The following HAS3 variants were observed in gnomAD, a reference collection of about 807,000 sequenced individuals.
The protein encoded by HAS3 is HA synthase 3.
Under a neutral mutation model 50.3 loss-of-function variants are expected in HAS3, and 27 were observed. The observed-to-expected ratio is 0.54, with a 90% CI of 0.40 to 0.74. The LOEUF (loss-of-function observed/expected upper bound fraction) is 0.74, where lower values mean the gene tolerates loss of function less well. HAS3 is among the 30% of genes least tolerant of loss of function. The probability of loss-of-function intolerance (pLI) is 0.00; values close to 1 mark genes in which losing one functional copy is unlikely to be tolerated. For synonymous variants in HAS3, 339 were observed against 310.9 expected (o/e 1.09, Z -0.95); for missense variants, 517 against 742.8 (o/e 0.70, Z 3.53).
the HAS3 span, chr16:69,083,623 C>T: frequency 6.3e-7 from 1 of 1,575,404 alleles, no homozygotes; most frequent in Non-Finnish European, 8.6e-7. Flanking sequence ...CCTGTTCCCT[C>T]CACAGAAGCT....
chr16:69,115,144 G>T lies in HAS3; in HGVS notation c.1540G>T (p.Val514Phe), dbSNP rs1009011245. The T allele has an allele frequency of 7.5e-6, 12 of 1,609,784 alleles. No homozygotes were observed. The highest frequency in any genetic ancestry group is 1.0e-5 in the Non-Finnish European group (12 of 1,177,624). ...LFSETELAFL[V>F]SGAILYGCYW... ...CAGTGAGACAGAGCTAGCCTTCCTTGTCTCTGGGGCTATACTGTATGGCTG... is the reference window on the plus strand; with the variant it reads ...CAGTGAGACAGAGCTAGCCTTCCTTTTCTCTGGGGCTATACTGTATGGCTG... The change falls in exon 4 of 4, where the codon GTC becomes TTC. Residue 514 changes from valine (V) to phenylalanine (F), a missense_variant. Val to Phe is a conservative substitution (Grantham distance 50). Transcript: ENST00000569188.
At chr16:69,108,027 C>T (rs1327401844) in intron 1 of HAS3, among the ~76,000 whole-genome samples, 1 of 152,202 alleles carries the variant, frequency 6.6e-6, no homozygotes, top group African/African-American at 2.4e-5. Flanking sequence ...TTGGGGGCTC[C>T]GTTTCCTGAG....
the HAS3 span, among the ~76,000 whole-genome samples, chr16:69,098,648 T>G: frequency 6.6e-6 from 1 of 151,092 alleles, no homozygotes; most frequent in Non-Finnish European, 1.5e-5. Flanking sequence ...CCTATTAATA[T>G]ATTATCAAAC....
rs1411285674 is a variant in HAS3 at position 69,106,762 on chromosome 16, C to T, written c.-1+975C>T. ...GCGGGTTAGCCGGGCCGCGGCAGCA[C>T]GTGTCCGGGGGAGTGGGCTCCCCTC... is the stretch of plus-strand genomic sequence containing the variant. On this transcript the variant is annotated intron_variant, in intron 1 of 3. Coordinates refer to ENST00000569188, the MANE Select transcript of HAS3 (RefSeq NM_001199280.2). This position sits in a 1 kb window ranked among gnomAD's most constrained non-coding sequence, Gnocchi z 5.5. 6.6e-6 allele frequency: 1 copy of T among 152,210 alleles called. No individual in the cohort carries two copies. Among genetic ancestry groups the T allele is most frequent in the Non-Finnish European group, 1.5e-5 (1 of 68,070 alleles). The allele number at this position is 152,210 out of a possible 1,614,324, so 9.4% of individuals were successfully genotyped here. A position where few individuals can be genotyped will look rare whatever the true frequency, so the allele number is the denominator to read the frequency against.
At chr16:69,103,968 A>G (rs1353139357), upstream of HAS3, among the ~76,000 whole-genome samples, 6 of 152,344 alleles carry the variant, frequency 3.9e-5, no homozygotes, top group African/African-American at 1.2e-4. Flanking sequence ...TCTTTGTGTA[A>G]GTAGGAATGG....
At chr16:69,085,728 C>A in the HAS3 span, among the ~76,000 whole-genome samples, 1 of 151,990 alleles carries the variant, frequency 6.6e-6, no homozygotes, top group Admixed American at 6.6e-5. Flanking sequence ...CAGGTGCGCA[C>A]CACCATGCCT....
the HAS3 span, among the ~76,000 whole-genome samples, chr16:69,088,791 G>C: frequency 6.6e-6 from 1 of 151,870 alleles, no homozygotes; most frequent in Middle Eastern, 3.4e-3. Context: ...AAGGCCCAGA[G>C]GTAAGAGCAG....
the HAS3 span, among the ~76,000 whole-genome samples, chr16:69,097,854 A>C: frequency 9.2e-5 from 14 of 152,008 alleles, no homozygotes; most frequent in Non-Finnish European, 1.8e-4. Context: ...TAATTCCCTC[A>C]AAGGTGCCCA....
In HAS3 at chr16:69,114,901, A is replaced by G; in HGVS notation, c.1297A>G (p.Asn433Asp). Reference protein sequence around the residue: ...KATYACFLRGNAEMIFMSLYS... With the variant: ...KATYACFLRGDAEMIFMSLYS... The stretch of plus-strand genomic sequence containing the variant: ...CACCTACGCCTGCTTCCTTCGGGGC[A>G]ATGCAGAGATGATCTTCATGTCCCT... Residue 433 changes from asparagine (N) to aspartate (D), a missense_variant, in exon 4 of 4, where the codon AAT becomes GAT. Coordinates refer to ENST00000569188, the MANE Select transcript of HAS3 (RefSeq NM_001199280.2). The surrounding 1 kb of genome is among the most constrained non-coding windows in gnomAD (Gnocchi z 6.4). 2 of 1,614,062 alleles carry G rather than the reference A, an allele frequency of 1.2e-6. No homozygotes were observed. The highest frequency in any genetic ancestry group is 1.7e-6 in the Non-Finnish European group (2 of 1,180,032).
the HAS3 span, among the ~76,000 whole-genome samples, chr16:69,090,843 G>C: frequency 2.0e-5 from 3 of 152,168 alleles, no homozygotes; most frequent in Admixed American, 2.0e-4. Flanking sequence ...AAAGTGCTGG[G>C]ATTACAGGTG....
the HAS3 span, among the ~76,000 whole-genome samples, chr16:69,087,109 C>G: frequency 6.6e-6 from 1 of 152,110 alleles, no homozygotes; most frequent in Non-Finnish European, 1.5e-5. Context: ...TCACCTTCGG[C>G]GTCCTCCACC....
In HAS3 at chr16:69,113,426, G is replaced by T. The variant is rs939254707; in HGVS notation, c.637-15G>T. Reference sequence around the variant, plus strand: ...TCTGAGGTCAGAATGGGCTGACGACGCACTCCCTCTGCAGGTGTGCGACTC... The same window carrying T: ...TCTGAGGTCAGAATGGGCTGACGACTCACTCCCTCTGCAGGTGTGCGACTC... On this transcript the variant is annotated splice_polypyrimidine_tract_variant and intron_variant, in intron 2 of 3. Transcript: ENST00000569188. 2 of 1,584,784 alleles carry T rather than the reference G, an allele frequency of 1.3e-6. No homozygotes were observed. Among genetic ancestry groups the T allele is most frequent in the African/African-American group, 2.7e-5 (2 of 74,516 alleles).
chr16:69,083,513 AC>A, the HAS3 span: 1 of 1,612,314 alleles, frequency 6.2e-7, no homozygotes, highest in Non-Finnish European at 8.5e-7. Flanking sequence ...AAGGATCTCT[AC>A]CACCTGCTGA....
the HAS3 span, among the ~76,000 whole-genome samples, chr16:69,093,271 C>T: frequency 6.6e-6 from 1 of 152,118 alleles, no homozygotes; most frequent in South Asian, 2.1e-4. Context: ...AGTGCAGTGG[C>T]GCAATCTCGG....
In HAS3 at chr16:69,114,497, TC is replaced by T. The variant is rs1266828942; in HGVS notation, c.895del (p.Leu299TrpfsTer10). On this transcript the variant is annotated frameshift_variant, in exon 4 of 4. Transcript: ENST00000569188. LOFTEE classifies it high-confidence loss of function. This position sits in a 1 kb window ranked among gnomAD's most constrained non-coding sequence, Gnocchi z 6.4. ...GMYRNSLLQQFLEDWYHQKFL... is the reference protein window; with the variant it reads ...GMYRNSLLQQXLEDWYHQKFL... ...TACCGCAACAGCCTCCTCCAGCAGT[TC>T]CTGGAGGACTGGTACCATCAGAAGT... is the stretch of plus-strand genomic sequence containing the variant. The T allele has an allele frequency of 1.2e-6, 2 of 1,614,052 alleles. No individual in the cohort carries two copies. The highest frequency in any genetic ancestry group is 1.7e-5 in the Admixed American group (1 of 60,010).
chr16:69,106,207 G>A lies in HAS3; in HGVS notation c.-1+420G>A, dbSNP rs950468601. On this transcript the variant is annotated intron_variant, in intron 1 of 3. Transcript: ENST00000569188. The surrounding 1 kb of genome is among the most constrained non-coding windows in gnomAD (Gnocchi z 5.5). Reference sequence around the variant, plus strand: ...CGCGCCGGGTACTTAAGGGCGGCTCGGCTGGGCAGGCGGCAGTCGGAGCGC... The same window carrying A: ...CGCGCCGGGTACTTAAGGGCGGCTCAGCTGGGCAGGCGGCAGTCGGAGCGC... 1.3e-5 allele frequency: 2 copies of A among 152,536 alleles called. No individual in the cohort carries two copies. The highest frequency in any genetic ancestry group is 4.8e-5 in the African/African-American group (2 of 41,434). 9.4% of individuals were successfully genotyped at this position (152,536 alleles called of 1,614,324 possible). A position where few individuals can be genotyped will look rare whatever the true frequency, so the allele number is the denominator to read the frequency against.
rs1295058731 is a variant in HAS3, at chr16:69,117,511, T to TGAGA, written c.*2246_*2249dup. ...TGGACGCATTTTGGTTTTTCCTCATTGAGAATTCAAATCCTCTTTTGTATT... is the reference window on the plus strand; with the variant it reads ...TGGACGCATTTTGGTTTTTCCTCATTGAGAGAGAATTCAAATCCTCTTTTGTATT... On this transcript the variant is annotated 3_prime_UTR_variant, in exon 4 of 4. Transcript: ENST00000569188. 30 of 951,922 alleles carry TGAGA rather than the reference T, an allele frequency of 3.2e-5. No individual in the cohort carries two copies. Among genetic ancestry groups the TGAGA allele is most frequent in the Non-Finnish European group, 3.4e-5 (27 of 799,156 alleles). 59.0% of individuals were successfully genotyped at this position (951,922 alleles called of 1,614,324 possible). A position where few individuals can be genotyped will look rare whatever the true frequency, so the allele number is the denominator to read the frequency against.
the HAS3 span, among the ~76,000 whole-genome samples, chr16:69,088,214 C>T: frequency 5.1e-3 from 771 of 152,164 alleles, 2 homozygotes; most frequent in African/African-American, 0.018. Flanking sequence ...CTCTTACCCT[C>T]GGGGAGAGTT....
At chr16:69,104,263 T>TG (rs1186144278), upstream of HAS3, among the ~76,000 whole-genome samples, 1 of 126,370 alleles carries the variant, frequency 7.9e-6, no homozygotes, top group Non-Finnish European at 1.6e-5. Context: ...GCTAATGTTT[T>TG]TTTTTTTTTT....
Sources: allele counts gnomAD v4.1 joint callset (sites outside exome capture counted in the v4.1 genomes callset), GRCh38; gene constraint gnomAD v4.1.1; non-coding constraint Gnocchi (gnomAD v3.1); transcripts MANE v1.5; gene names NCBI Gene and HGNC (gene_info 2026-07-23, HGNC 2026-07-21).